LGSN: variants seen among roughly 807,000 people sequenced by gnomAD.
LGSN encodes the protein lengsin, lens protein with glutamine synthetase domain.
LGSN carries 21 observed loss-of-function variants against 19.5 expected under a neutral mutation model. The observed-to-expected ratio is 1.07, with a 90% CI of 0.76 to 1.55. The LOEUF (loss-of-function observed/expected upper bound fraction) is 1.55, where lower values mean the gene tolerates loss of function less well. Ranked by LOEUF, LGSN falls within the 40% of genes most tolerant of loss-of-function variation. The pLI is 0.00. For missense variants in LGSN, 673 were observed against 608.5 expected (o/e 1.11, Z -1.12); for synonymous variants, 257 against 215.6 (o/e 1.19, Z -1.68).
the LGSN span, among the ~76,000 whole-genome samples, chr6:63,432,534 A>G: frequency 6.6e-6 from 1 of 152,002 alleles, no homozygotes; most frequent in Non-Finnish European, 1.5e-5. Flanking sequence ...TACTAAAAAT[A>G]CAAAAAAATT....
At chr6:63,487,334 T>A in the LGSN span, among the ~76,000 whole-genome samples, 1 of 152,182 alleles carries the variant, frequency 6.6e-6, no homozygotes, top group Non-Finnish European at 1.5e-5. Context: ...ATTATCTTTA[T>A]CACCTGGACT....
chr6:63,435,511 G>A, the LGSN span, among the ~76,000 whole-genome samples: 3 of 152,048 alleles, frequency 2.0e-5, no homozygotes, highest in Non-Finnish European at 2.9e-5. Context: ...TTCCACCTTT[G>A]CCCCTCACCC....
chr6:63,503,748 C>G, the LGSN span, among the ~76,000 whole-genome samples: 1 of 152,076 alleles, frequency 6.6e-6, no homozygotes, highest in East Asian at 1.9e-4. Context: ...AACCCCGCCT[C>G]TACTAAAAAT....
chr6:63,538,611 A>G, the LGSN span, among the ~76,000 whole-genome samples: 5 of 152,222 alleles, frequency 3.3e-5, no homozygotes, highest in Non-Finnish European at 7.3e-5. Context: ...AATAGCATGC[A>G]AAAAGAAAAA....
the LGSN span, among the ~76,000 whole-genome samples, chr6:63,509,095 C>T: frequency 3.4e-5 from 5 of 148,768 alleles, no homozygotes; most frequent in South Asian, 2.1e-4. Flanking sequence ...GAGTCAGTCT[C>T]GCTCTGTTGC....
the LGSN span, among the ~76,000 whole-genome samples, chr6:63,342,831 T>A: frequency 6.6e-6 from 1 of 152,252 alleles, no homozygotes; most frequent in Non-Finnish European, 1.5e-5. Flanking sequence ...TATGTCAGCT[T>A]GATTGTGTCA....
intron 1 of LGSN, among the ~76,000 whole-genome samples, chr6:63,299,169 A>G (rs143238043): frequency 5.9e-5 from 9 of 152,304 alleles, no homozygotes; most frequent in African/African-American, 2.2e-4. Context: ...AAGACTGCCT[A>G]TTGAACTAAA....
the LGSN span, among the ~76,000 whole-genome samples, chr6:63,519,130 A>T: frequency 6.6e-6 from 1 of 152,174 alleles, no homozygotes; most frequent in South Asian, 2.1e-4. Flanking sequence ...CAACATGGTG[A>T]AACCCCATCT....
At chr6:63,362,866 A>G in the LGSN span, among the ~76,000 whole-genome samples, 2 of 152,156 alleles carry the variant, frequency 1.3e-5, no homozygotes, top group African/African-American at 4.8e-5. Context: ...CCCAGCACAG[A>G]GTTTGAGATC....
the LGSN span, among the ~76,000 whole-genome samples, chr6:63,470,778 C>T: frequency 6.6e-6 from 1 of 151,868 alleles, no homozygotes; most frequent in Middle Eastern, 3.4e-3. Flanking sequence ...AAGAAGAACA[C>T]CAAAGAACAT....
At chr6:63,457,699 G>A in the LGSN span, among the ~76,000 whole-genome samples, 2 of 152,138 alleles carry the variant, frequency 1.3e-5, no homozygotes, top group South Asian at 4.2e-4. Context: ...CCAATGTGGT[G>A]AAAGCCCGTC....
rs567550469 is a variant in LGSN at position 63,281,306 on chromosome 6, T to A, written c.331-86A>T. ...GGCGGGAAAGCCTTGCTAATGAAAA[T>A]ATATATATATATATATATATATATA... On this transcript the variant is annotated intron_variant, in intron 3 of 3. Transcript: ENST00000370657. The A allele has an allele frequency of 9.4e-4, 135 of 143,970 alleles. No individual in the cohort carries two copies. The highest frequency in any genetic ancestry group is 2.9e-3 in the Middle Eastern group (1 of 340). 8.9% of individuals were successfully genotyped at this position (143,970 alleles called of 1,614,324 possible).
the LGSN span, among the ~76,000 whole-genome samples, chr6:63,568,502 C>CA: frequency 1.1e-4 from 17 of 152,066 alleles, no homozygotes; most frequent in Non-Finnish European, 2.2e-4. Flanking sequence ...TCACTGTTCA[C>CA]AAATTGCCAT....
At chr6:63,286,869 A>G (rs1767561330) in intron 2 of LGSN, among the ~76,000 whole-genome samples, 1 of 152,206 alleles carries the variant, frequency 6.6e-6, no homozygotes, top group Non-Finnish European at 1.5e-5. Context: ...TGTTATGAGG[A>G]TTAACAAGTT....
the LGSN span, among the ~76,000 whole-genome samples, chr6:63,506,431 T>C: frequency 6.6e-6 from 1 of 152,060 alleles, no homozygotes; most frequent in African/African-American, 2.4e-5. Context: ...GCCCGGCTAA[T>C]TTTTTGTGTT....
chr6:63,346,577 G>A, the LGSN span, among the ~76,000 whole-genome samples: 1 of 151,986 alleles, frequency 6.6e-6, no homozygotes, highest in African/African-American at 2.4e-5. Context: ...TGAGTTCTGT[G>A]AGCCACTCTA....
chr6:63,388,890 T>C, the LGSN span, among the ~76,000 whole-genome samples: 1 of 152,198 alleles, frequency 6.6e-6, no homozygotes, highest in East Asian at 1.9e-4. Context: ...GAAAGCAGAA[T>C]AGAAGACATT....
the LGSN span, among the ~76,000 whole-genome samples, chr6:63,465,043 A>C: frequency 1.3e-5 from 2 of 149,962 alleles, no homozygotes; most frequent in East Asian, 3.9e-4. Flanking sequence ...AAAAAAAAAA[A>C]CTTCCTAATT....
At chr6:63,454,063 C>A in the LGSN span, among the ~76,000 whole-genome samples, 6,937 of 152,226 alleles carry the variant, frequency 0.046, 544 homozygotes, top group African/African-American at 0.16. Flanking sequence ...CCCCTTGCTG[C>A]CTCTCCATTC....
Sources: allele counts gnomAD v4.1 joint callset (sites outside exome capture counted in the v4.1 genomes callset), GRCh38; gene constraint gnomAD v4.1.1; transcripts MANE v1.5; gene names NCBI Gene and HGNC (gene_info 2026-07-23, HGNC 2026-07-21).